The following CSMD1 variants were observed in gnomAD, a reference collection of about 807,000 sequenced individuals.
The protein encoded by CSMD1 is CUB and Sushi multiple domains 1, also known as CUB and sushi domain-containing protein 1.
Under a neutral mutation model 417.5 loss-of-function variants are expected in CSMD1, and 213 were observed. The ratio of observed to expected loss-of-function variants is 0.51; its 90% CI spans 0.46 to 0.57. CSMD1 has a LOEUF of 0.57. Ranked by LOEUF, CSMD1 falls within the 20% of genes least tolerant of loss-of-function variation. CSMD1 has a pLI of 0.00. For synonymous variants in CSMD1, 2,862 were observed against 1,736.8 expected (o/e 1.65, Z -16.11); for missense variants, 6,923 against 4,529.7 (o/e 1.53, Z -15.17).
At chr8:4,060,658 G>T (rs1798924550) in intron 3 of CSMD1, among the ~76,000 whole-genome samples, 1 of 152,094 alleles carries the variant, frequency 6.6e-6, no homozygotes. Context: ...AGGAGAAGCG[G>T]CACCTGGCAT....
chr8:4,083,775 G>T (rs984964727), intron 3 of CSMD1, among the ~76,000 whole-genome samples: 2 of 152,100 alleles, frequency 1.3e-5, no homozygotes, highest in Admixed American at 6.6e-5. Context: ...CAGGACATAG[G>T]CATGGGCAAG....
chr8:4,859,628 A>T (rs1412359015), intron 1 of CSMD1, among the ~76,000 whole-genome samples: 4 of 152,192 alleles, frequency 2.6e-5, no homozygotes, highest in African/African-American at 9.7e-5. Context: ...TCAAAAGAAG[A>T]CGTTTATACA....
At chr8:4,442,088 A>C (rs1798517267) in intron 2 of CSMD1, among the ~76,000 whole-genome samples, 1 of 152,138 alleles carries the variant, frequency 6.6e-6, no homozygotes, top group African/African-American at 2.4e-5. Flanking sequence ...TGAGTTGTAG[A>C]AACACGTGAC....
chr8:4,388,647 T>TAA (rs1017528666), intron 3 of CSMD1, among the ~76,000 whole-genome samples: 1 of 151,980 alleles, frequency 6.6e-6, no homozygotes, highest in Non-Finnish European at 1.5e-5. Flanking sequence ...AAATCACCAT[T>TAA]AAAAAACTTA....
intron 55 of CSMD1, among the ~76,000 whole-genome samples, chr8:2,978,393 T>C (rs1323286246): frequency 6.6e-6 from 1 of 152,218 alleles, no homozygotes; most frequent in African/African-American, 2.4e-5. Flanking sequence ...TCATTTCTCC[T>C]GAGCATACCA....
chr8:3,551,597 T>TATATATATATATA (rs1491324597), intron 10 of CSMD1, among the ~76,000 whole-genome samples: 5 of 90,666 alleles, frequency 5.5e-5, no homozygotes, highest in African/African-American at 6.4e-5. Context: ...TATATATATA[T>TATATATATATATA]TTTTTTTTTT....
chr8:4,134,028 T>A (rs1032285709), intron 3 of CSMD1, among the ~76,000 whole-genome samples: 12 of 152,252 alleles, frequency 7.9e-5, no homozygotes, highest in Non-Finnish European at 1.8e-4. Flanking sequence ...TACATTTTTT[T>A]AAACATTTAA....
chr8:4,435,844 G>T (rs1046256644), intron 2 of CSMD1, among the ~76,000 whole-genome samples: 3 of 152,188 alleles, frequency 2.0e-5, no homozygotes, highest in Non-Finnish European at 4.4e-5. Flanking sequence ...TGACTCCAAA[G>T]CTCACCTTCC....
chr8:4,300,741 G>C (rs1216817180), intron 3 of CSMD1, among the ~76,000 whole-genome samples: 1 of 152,062 alleles, frequency 6.6e-6, no homozygotes, highest in Non-Finnish European at 1.5e-5. Context: ...GCGTCCACGT[G>C]TTCTGGTTGT....
At chr8:3,594,578 T>A (rs1189015389) in intron 8 of CSMD1, among the ~76,000 whole-genome samples, 1 of 152,198 alleles carries the variant, frequency 6.6e-6, no homozygotes, top group Non-Finnish European at 1.5e-5. Flanking sequence ...ATCTCCTACC[T>A]TCCTGTTTTG....
At chr8:3,840,270 G>A (rs141776861) in intron 5 of CSMD1, among the ~76,000 whole-genome samples, 183 of 152,214 alleles carry the variant, frequency 1.2e-3, no homozygotes, top group Middle Eastern at 6.8e-3. Context: ...TGAAACAGAT[G>A]TTCAAGAATG....
chr8:3,708,488 T>G lies in CSMD1; in HGVS notation c.935A>C (p.Lys312Thr), dbSNP rs777595446. 1.9e-6 allele frequency: 3 copies of G among 1,613,804 alleles called. No homozygotes were observed. The highest frequency in any genetic ancestry group is 2.5e-6 in the Non-Finnish European group (3 of 1,179,852). The change falls in exon 7 of 70, where the codon AAA becomes ACA. Residue 312 changes from lysine to threonine, a missense_variant. Transcript: ENST00000635120. ...RKGFNAQFQV[K>T]KAIELKSRGV... ...TCTTGACTTCAACTCAATCGCCTTT[T>G]TCACTGGAAGAAACAAAACCAAGCC...
At chr8:3,523,950 T>A (rs1292039719) in intron 10 of CSMD1, among the ~76,000 whole-genome samples, 1 of 117,106 alleles carries the variant, frequency 8.5e-6, no homozygotes, top group East Asian at 2.8e-4. Flanking sequence ...GACACGTGCA[T>A]ACACATGCAC....
chr8:4,909,700 C>T (rs1055612429), intron 1 of CSMD1, among the ~76,000 whole-genome samples: 2 of 152,138 alleles, frequency 1.3e-5, no homozygotes, highest in Admixed American at 1.3e-4. Flanking sequence ...CACACCACTG[C>T]TTCCAGCAGC....
At chr8:3,775,781 C>G (rs997051265) in intron 5 of CSMD1, among the ~76,000 whole-genome samples, 4 of 152,196 alleles carry the variant, frequency 2.6e-5, no homozygotes, top group African/African-American at 9.7e-5. Context: ...AAAAGGTCCA[C>G]GAAGCATTGC....
chr8:3,766,889 C>G (rs752742163), intron 5 of CSMD1, among the ~76,000 whole-genome samples: 3 of 152,152 alleles, frequency 2.0e-5, no homozygotes, highest in African/African-American at 7.2e-5. Flanking sequence ...ACTTGATAGA[C>G]TGACGCAGAC....
At chr8:3,844,035 G>A (rs868084294) in intron 5 of CSMD1, among the ~76,000 whole-genome samples, 9 of 152,062 alleles carry the variant, frequency 5.9e-5, no homozygotes, top group East Asian at 1.9e-4. Flanking sequence ...TATTACAATG[G>A]CACAATGTTA....
chr8:4,917,814 G>A (rs529411331), intron 1 of CSMD1, among the ~76,000 whole-genome samples: 1 of 152,040 alleles, frequency 6.6e-6, no homozygotes, highest in Non-Finnish European at 1.5e-5. Context: ...TAGGAACAGA[G>A]TGTGGCAGTG....
chr8:3,664,956 C>G (rs1390314055), intron 7 of CSMD1, among the ~76,000 whole-genome samples: 3 of 152,070 alleles, frequency 2.0e-5, no homozygotes, highest in Non-Finnish European at 4.4e-5. Context: ...GATTTCAATA[C>G]ATTCTTTAAA....
Sources: allele counts gnomAD v4.1 joint callset (sites outside exome capture counted in the v4.1 genomes callset), GRCh38; gene constraint gnomAD v4.1.1; transcripts MANE v1.5; gene names NCBI Gene and HGNC (gene_info 2026-07-23, HGNC 2026-07-21).